The following ANKRD30A variants were observed in gnomAD, a reference collection of about 807,000 sequenced individuals.
The protein encoded by ANKRD30A is ankyrin repeat domain-containing protein 30A.
ANKRD30A carries 170 observed loss-of-function variants against 166.3 expected under a neutral mutation model. That is an observed-to-expected ratio of 1.02 (90% confidence interval 0.90 to 1.16). The LOEUF is 1.16. Ranked by LOEUF, ANKRD30A falls within the 50% of genes most tolerant of loss-of-function variation. ANKRD30A has a pLI of 0.00. For missense variants in ANKRD30A, 1,630 were observed against 1,518.0 expected, an observed-to-expected ratio of 1.07 and a Z score of -1.23; for synonymous variants, 564 against 508.9, an observed-to-expected ratio of 1.11 and a Z score of -1.46.
chr10:37,223,880 A>G (rs1843003825), intron 34 of ANKRD30A, among the ~76,000 whole-genome samples: 1 of 151,114 alleles, frequency 6.6e-6, no homozygotes, highest in Non-Finnish European at 1.5e-5. Context: ...TCTCTGGAGG[A>G]TAATTTGGAT....
At chr10:37,148,060 G>T (rs1036988069) in intron 9 of ANKRD30A, among the ~76,000 whole-genome samples, 5 of 140,716 alleles carry the variant, frequency 3.6e-5, no homozygotes, top group African/African-American at 1.3e-4. Context: ...TATACACTCA[G>T]TATAGACAAA....
At chr10:37,203,601 C>T (rs940848065) in intron 31 of ANKRD30A, among the ~76,000 whole-genome samples, 1 of 152,182 alleles carries the variant, frequency 6.6e-6, no homozygotes. Context: ...TCTCTCACCA[C>T]TGCTATTCAA....
At chr10:37,127,756 A>G (rs568041783) in intron 1 of ANKRD30A, among the ~76,000 whole-genome samples, 2 of 152,178 alleles carry the variant, frequency 1.3e-5, no homozygotes, top group Non-Finnish European at 2.9e-5. Flanking sequence ...ACTGTTTTCT[A>G]TCCACAAAGT....
intron 24 of ANKRD30A, among the ~76,000 whole-genome samples, chr10:37,183,495 C>A (rs879242653): frequency 6.9e-6 from 1 of 144,804 alleles, no homozygotes; most frequent in African/African-American, 2.5e-5. Context: ...TGAGTCTTTT[C>A]TCTCTTTTTC....
the ANKRD30A span, among the ~76,000 whole-genome samples, chr10:37,256,947 G>A: frequency 4.4e-4 from 67 of 152,202 alleles, 1 homozygote; most frequent in South Asian, 0.014. Context: ...CTTTTGTTTG[G>A]AATAGTTTCA....
chr10:37,232,363 A>C (rs1278803248), intron 35 of ANKRD30A, 136 bp from the exon 36 acceptor site: 2 of 150,944 alleles, frequency 1.3e-5, no homozygotes, highest in East Asian at 3.9e-4. Context: ...AGCTAAATCA[A>C]CTCTTTGAAT....
At chr10:37,194,454 C>T (rs1840889789) in intron 27 of ANKRD30A, among the ~76,000 whole-genome samples, 1 of 149,930 alleles carries the variant, frequency 6.7e-6, no homozygotes, top group Admixed American at 6.7e-5. Context: ...CATTCTCCTG[C>T]CTCAGCCTCC....
Position 37,142,202 on chromosome 10 carries a change from A to C in ANKRD30A, c.1305A>C (p.Thr435=). The part of the protein sequence containing the change: ...PVKTGCVARV[T]SNKTKVLEKG... ...AGACTGGATGCGTGGCAAGAGTAAC[A>C]TCTAATAAAACTAAAGTTTTGGAAA... The change falls in exon 7 of 36, where the codon ACA becomes ACC. Residue 435 remains threonine (T), a synonymous_variant. Coordinates refer to ENST00000361713, the MANE Select transcript of ANKRD30A (RefSeq NM_052997.3). 1 of 1,612,006 alleles carries C rather than the reference A, an allele frequency of 6.2e-7. No homozygotes were observed. The highest frequency in any genetic ancestry group is 8.5e-7 in the Non-Finnish European group (1 of 1,179,600).
rs190144413 is a variant in ANKRD30A, at chr10:37,151,911, T to C, written c.1646-149T>C. On this transcript the variant is annotated intron_variant, in intron 11 of 35. Transcript: ENST00000361713. ...GATTTCAATTCTAATGGAATGACTATAGAAGTAGTTATTGTAATCGACAAA... is the reference window on the plus strand; with the variant it reads ...GATTTCAATTCTAATGGAATGACTACAGAAGTAGTTATTGTAATCGACAAA... The C allele has an allele frequency of 4.2e-4, 257 of 608,216 alleles. 1 individual carries two copies. Among genetic ancestry groups the C allele is most frequent in the South Asian group, 9.1e-4 (39 of 42,912 alleles). 37.7% of individuals were successfully genotyped at this position (608,216 alleles called of 1,614,324 possible).
chr10:37,156,596 G>A (rs1035480611), intron 13 of ANKRD30A, among the ~76,000 whole-genome samples: 1 of 152,052 alleles, frequency 6.6e-6, no homozygotes, highest in East Asian at 1.9e-4. Context: ...TTTAATGCCA[G>A]TTATTTTCTT....
the ANKRD30A span, among the ~76,000 whole-genome samples, chr10:37,263,195 TAA>T: frequency 1.1e-4 from 15 of 135,252 alleles, no homozygotes; most frequent in Admixed American, 7.6e-5. Context: ...AATGCTCTGC[TAA>T]AAAAAAAAAA....
chr10:37,232,467 C>G (rs1448172598), intron 35 of ANKRD30A, 32 bp from the exon 36 acceptor site: 1 of 150,356 alleles, frequency 6.7e-6, no homozygotes, highest in Non-Finnish European at 1.5e-5. Context: ...CAACTACAAC[C>G]ACACATAAGC....
chr10:37,146,113 AATGAG>A (rs1266660511), intron 8 of ANKRD30A, among the ~76,000 whole-genome samples: 1 of 143,012 alleles, frequency 7.0e-6, no homozygotes, highest in African/African-American at 2.6e-5. Context: ...TGGTAACAGA[AATGAG>A]ATGACAACAG....
At chr10:37,235,990 G>C (rs778617405), downstream of ANKRD30A, among the ~76,000 whole-genome samples, 15 of 151,910 alleles carry the variant, frequency 9.9e-5, no homozygotes, top group Non-Finnish European at 1.8e-4. Context: ...GGATGGTCTC[G>C]ATCTCCTGAC....
At chr10:37,209,033 T>G (rs1388936812) in intron 31 of ANKRD30A, among the ~76,000 whole-genome samples, 1 of 152,182 alleles carries the variant, frequency 6.6e-6, no homozygotes, top group Non-Finnish European at 1.5e-5. Flanking sequence ...TTTGAGTCCT[T>G]AGTAATATTC....
intron 7 of ANKRD30A, among the ~76,000 whole-genome samples, chr10:37,144,447 C>A (rs1367285261): frequency 6.6e-6 from 1 of 152,140 alleles, no homozygotes; most frequent in African/African-American, 2.4e-5. Flanking sequence ...GTTCTTTAAG[C>A]TTATTTATCT....
At chr10:37,260,217 A>G in the ANKRD30A span, among the ~76,000 whole-genome samples, 1 of 152,196 alleles carries the variant, frequency 6.6e-6, no homozygotes, top group Non-Finnish European at 1.5e-5. Flanking sequence ...CCAGTTACTA[A>G]AAAGTAAACT....
At chr10:37,261,211 G>C in the ANKRD30A span, among the ~76,000 whole-genome samples, 1 of 152,104 alleles carries the variant, frequency 6.6e-6, no homozygotes, top group Admixed American at 6.5e-5. Flanking sequence ...CTTAGTGGTT[G>C]TCATATACAT....
chr10:37,130,254 G>T lies in ANKRD30A; in HGVS notation c.386G>T (p.Gly129Val), dbSNP rs1438379464. Residue 129 changes from glycine to valine, a missense_variant, in exon 3 of 36, where the codon GGT (glycine) becomes GTT (valine). Gly to Val is a moderately radical substitution (Grantham distance 109). This residue lies in a region of ANKRD30A where 904 missense variants were observed against 818.5 expected (regional missense o/e 1.10). Coordinates refer to ENST00000361713, the MANE Select transcript of ANKRD30A (RefSeq NM_052997.3). ...TGTGCAAATATTCTGATAGATTCTG[G>T]TGCCGATATAAATCTCGTAGATGTG... ...EACANILIDSGADINLVDVYG... is the reference protein window; with the variant it reads ...EACANILIDSVADINLVDVYG... 1 of 1,603,224 alleles carries T rather than the reference G, an allele frequency of 6.2e-7. No individual in the cohort carries two copies. The highest frequency in any genetic ancestry group is 1.1e-5 in the South Asian group (1 of 90,036).
Sources: allele counts gnomAD v4.1 joint callset (sites outside exome capture counted in the v4.1 genomes callset), GRCh38; gene constraint gnomAD v4.1.1; regional missense constraint gnomAD v4.1.1; transcripts MANE v1.5; gene names NCBI Gene and HGNC (gene_info 2026-07-23, HGNC 2026-07-21).